Variants in CDH12 observed in about 807,000 individuals in gnomAD.
The protein encoded by CDH12 is cadherin-12.
Under a neutral mutation model 74.1 loss-of-function variants are expected in CDH12, and 41 were observed. The observed-to-expected ratio is 0.55, with a 90% CI of 0.43 to 0.72. The LOEUF (loss-of-function observed/expected upper bound fraction) is 0.72, where lower values mean the gene tolerates loss of function less well. Among genes scored for constraint, CDH12 ranks in the 30% least tolerant of loss-of-function variants. The probability of loss-of-function intolerance (pLI) is 0.00; values close to 1 mark genes in which losing one functional copy is unlikely to be tolerated. For missense variants in CDH12, 945 were observed against 977.2 expected (o/e 0.97, Z 0.44); for synonymous variants, 399 against 355.0 (o/e 1.12, Z -1.39).
chr5:21,970,353 T>C (rs1489355180), intron 6 of CDH12, among the ~76,000 whole-genome samples: 18 of 152,202 alleles, frequency 1.2e-4, no homozygotes. Context: ...TCTGTTTCCA[T>C]GGCTGGCTCA....
At chr5:22,272,143 G>T (rs983533513) in intron 3 of CDH12, among the ~76,000 whole-genome samples, 5 of 152,180 alleles carry the variant, frequency 3.3e-5, no homozygotes, top group Admixed American at 3.3e-4. Flanking sequence ...CTTCATCAAT[G>T]ATCTTAGCTA....
chr5:22,614,409 A>T (rs1000104595), intron 1 of CDH12, among the ~76,000 whole-genome samples: 2 of 43,434 alleles, frequency 4.6e-5, no homozygotes, highest in Admixed American at 6.3e-4. Context: ...GGATCAGGAA[A>T]TGTTTCCCTC....
chr5:22,639,477 T>C (rs964744971), intron 1 of CDH12, among the ~76,000 whole-genome samples: 2 of 148,026 alleles, frequency 1.4e-5, no homozygotes, highest in Non-Finnish European at 3.0e-5. Flanking sequence ...GATCTGCAAA[T>C]CTTTATCTGC....
chr5:22,357,828 G>A (rs911064754), intron 3 of CDH12, among the ~76,000 whole-genome samples: 1 of 152,026 alleles, frequency 6.6e-6, no homozygotes, highest in Non-Finnish European at 1.5e-5. Context: ...AAAATAGACA[G>A]AATGGCTAGA....
At chr5:22,563,894 G>A (rs1162182258) in intron 1 of CDH12, among the ~76,000 whole-genome samples, 2 of 152,104 alleles carry the variant, frequency 1.3e-5, no homozygotes, top group Non-Finnish European at 2.9e-5. Context: ...CCATTCACTA[G>A]AGTACAGCAT....
At chr5:22,583,807 A>G (rs934998190) in intron 1 of CDH12, among the ~76,000 whole-genome samples, 2 of 152,182 alleles carry the variant, frequency 1.3e-5, no homozygotes, top group Non-Finnish European at 2.9e-5. Flanking sequence ...ATCAATAAAG[A>G]TAATATAGTG....
At chr5:22,507,819 G>A (rs1009521582) in intron 1 of CDH12, among the ~76,000 whole-genome samples, 5 of 152,182 alleles carry the variant, frequency 3.3e-5, no homozygotes, top group Non-Finnish European at 7.4e-5. Flanking sequence ...AAAAGATTGA[G>A]ATGAAATCAA....
Position 22,045,649 on chromosome 5 carries a change from A to G in CDH12, c.231+32797T>C, listed in dbSNP as rs894416370. 1.2e-3 allele frequency among the ~76,000 whole-genome samples: 179 copies of G among 151,978 alleles called. 1 individual carries two copies. Among genetic ancestry groups the G allele is most frequent in the African/African-American group, 4.0e-3 (167 of 41,490 alleles). On this transcript the variant is annotated intron_variant, in intron 5 of 14. Transcript: ENST00000382254. ...AATCTTGTCTTTTGGGACAATATAG[A>G]TAAAGTTGGAGGGCATTATGTTAGG... is the stretch of plus-strand genomic sequence containing the variant.
intron 1 of CDH12, among the ~76,000 whole-genome samples, chr5:22,831,181 T>C (rs1736584722): frequency 6.6e-6 from 1 of 152,106 alleles, no homozygotes; most frequent in Non-Finnish European, 1.5e-5. Context: ...GAGAAATATA[T>C]ATTTCTATAA....
chr5:21,881,095 T>C (rs922931545), intron 6 of CDH12, among the ~76,000 whole-genome samples: 1 of 152,002 alleles, frequency 6.6e-6, no homozygotes, highest in Non-Finnish European at 1.5e-5. Flanking sequence ...CACTGCACTA[T>C]GCACAGAGAA....
chr5:22,771,226 C>T (rs1258110211), intron 1 of CDH12, among the ~76,000 whole-genome samples: 1 of 152,120 alleles, frequency 6.6e-6, no homozygotes, highest in Non-Finnish European at 1.5e-5. Context: ...CTTACACTAA[C>T]AACTCCTCTT....
intron 3 of CDH12, among the ~76,000 whole-genome samples, chr5:22,262,787 G>A (rs1370902358): frequency 1.3e-5 from 2 of 151,974 alleles, no homozygotes; most frequent in Non-Finnish European, 2.9e-5. Flanking sequence ...GTTGTTTCCT[G>A]ACTTTTTAAT....
chr5:22,403,952 T>G lies in CDH12; in HGVS notation c.-333+1305A>C, dbSNP rs535455209. ...CAGTAAGATATAATATTTGACTATA[T>G]TATTTTACTATATGATGCATATATA... On this transcript the variant is annotated intron_variant, in intron 3 of 14. Coordinates refer to ENST00000382254, the MANE Select transcript of CDH12 (RefSeq NM_004061.5). Among the ~76,000 whole-genome samples the G allele has an allele frequency of 2.0e-5, 3 of 152,268 alleles. No individual in the cohort carries two copies. The East Asian group carries it at 5.8e-4, about 29-fold the overall frequency.
intron 3 of CDH12, among the ~76,000 whole-genome samples, chr5:22,239,871 T>C (rs1269239651): frequency 6.6e-6 from 1 of 152,192 alleles, no homozygotes; most frequent in African/African-American, 2.4e-5. Flanking sequence ...ATTTCCTTTT[T>C]GCTTTAACGG....
intron 6 of CDH12, among the ~76,000 whole-genome samples, chr5:21,911,866 A>G (rs1753874242): frequency 6.6e-6 from 1 of 152,058 alleles, no homozygotes; most frequent in South Asian, 2.1e-4. Flanking sequence ...TTGTTTTCCC[A>G]TTAAAAAGTT....
intron 1 of CDH12, among the ~76,000 whole-genome samples, chr5:22,759,931 G>A (rs904542696): frequency 3.4e-4 from 51 of 152,162 alleles, no homozygotes; most frequent in African/African-American, 1.2e-3. Context: ...TCTAGAGGGA[G>A]GTCACTCTTT....
intron 11 of CDH12, chr5:21,779,466 GTC>G (rs1001607432): frequency 6.6e-6 from 1 of 152,206 alleles, no homozygotes; most frequent in African/African-American, 2.4e-5. Context: ...AAAGTTTGGA[GTC>G]TCTGTCTCAT....
At chr5:22,485,201 A>G (rs1746539596) in intron 2 of CDH12, among the ~76,000 whole-genome samples, 1 of 151,274 alleles carries the variant, frequency 6.6e-6, no homozygotes, top group Non-Finnish European at 1.5e-5. Flanking sequence ...TTTTTTTTAG[A>G]GACAGAATCT....
chr5:22,565,915 C>G (rs574269460), intron 1 of CDH12, among the ~76,000 whole-genome samples: 2 of 152,136 alleles, frequency 1.3e-5, no homozygotes, highest in African/African-American at 4.8e-5. Context: ...AGTAATAGAG[C>G]TTAAACAATA....
Sources: gnomAD v4.1 joint callset for allele counts (sites outside exome capture counted in the v4.1 genomes callset) on GRCh38, gnomAD v4.1.1 for gene constraint, MANE v1.5 for transcripts, NCBI Gene and HGNC (gene_info 2026-07-23, HGNC 2026-07-21) for gene names.